The following NRG1 variants were observed in gnomAD, a reference collection of about 807,000 sequenced individuals.
NRG1 encodes pro-neuregulin-1, membrane-bound isoform.
Under a neutral mutation model 63.8 loss-of-function variants are expected in NRG1, and 18 were observed. That is an observed-to-expected ratio of 0.28 (90% CI 0.19 to 0.42). The LOEUF is 0.42. Ranked by LOEUF, NRG1 falls within the 10% of genes least tolerant of loss-of-function variation. NRG1 has a pLI of 1.00. For missense variants in NRG1, 762 were observed against 814.7 expected, an observed-to-expected ratio of 0.94 and a Z score of 0.79; for synonymous variants, 302 against 301.3, an observed-to-expected ratio of 1.00 and a Z score of -0.02.
At chr8:32,530,281 G>A (rs1311393483) in intron 1 of NRG1, among the ~76,000 whole-genome samples, 1 of 151,922 alleles carries the variant, frequency 6.6e-6, no homozygotes, top group Non-Finnish European at 1.5e-5. Context: ...CTAATTTTTT[G>A]TATTATTTGT....
chr8:31,869,679 T>C (rs1005628669), intron 1 of NRG1, among the ~76,000 whole-genome samples: 5 of 152,214 alleles, frequency 3.3e-5, no homozygotes, highest in African/African-American at 1.2e-4. Flanking sequence ...ATAGGAAATA[T>C]CTACCTAAGA....
At chr8:31,874,943 G>A (rs1334523998) in intron 1 of NRG1, among the ~76,000 whole-genome samples, 2 of 152,164 alleles carry the variant, frequency 1.3e-5, no homozygotes, top group African/African-American at 4.8e-5. Context: ...TGCCCTTCTA[G>A]ATCAGTATCA....
At position 32,366,677 on chromosome 8, in the gene NRG1, G is replaced by GTGTATATATA. The variant is rs1164696498; in HGVS notation, c.38-229150_38-229149insGTATATATAT. 3.4e-3 allele frequency among the ~76,000 whole-genome samples: 297 copies of GTGTATATATA among 87,212 alleles called. 1 individual carries two copies. The highest frequency in any genetic ancestry group is 4.9e-3 in the Non-Finnish European group (218 of 44,566). 57.2% of individuals were successfully genotyped at this position (87,212 alleles called of 152,430 possible). On this transcript the variant is annotated intron_variant, in intron 1 of 10. Coordinates refer to the NRG1 transcript ENST00000519301. ...ATTGTGTGTGTGTGTGTGTGTGTGTGTATATATATATATATATATATATAT... is the reference window on the plus strand; with the variant it reads ...ATTGTGTGTGTGTGTGTGTGTGTGTGTGTATATATATATATATATATATATATATATATAT...
intron 1 of NRG1, among the ~76,000 whole-genome samples, chr8:32,433,018 C>A (rs914043094): frequency 1.3e-5 from 2 of 152,138 alleles, no homozygotes; most frequent in Non-Finnish European, 2.9e-5. Context: ...GCCTGTTTAT[C>A]TGAGTGAGTG....
intron 1 of NRG1, among the ~76,000 whole-genome samples, chr8:32,485,017 A>T (rs1825740737): frequency 6.6e-6 from 1 of 152,184 alleles, no homozygotes; most frequent in Admixed American, 6.5e-5. Flanking sequence ...CAGAAATACT[A>T]AACTTCTTGA....
chr8:31,854,500 C>T (rs1244372404), intron 1 of NRG1, among the ~76,000 whole-genome samples: 1 of 151,608 alleles, frequency 6.6e-6, no homozygotes, highest in South Asian at 2.1e-4. Flanking sequence ...ATTCTTCTCT[C>T]TTTTTTTCTT....
intron 1 of NRG1, among the ~76,000 whole-genome samples, chr8:32,403,175 T>A (rs984776378): frequency 2.6e-5 from 4 of 151,540 alleles, no homozygotes; most frequent in Non-Finnish European, 5.9e-5. Context: ...GGCAGGTGCC[T>A]GTAATCGCAG....
chr8:31,940,763 A>G (rs1011376262), intron 1 of NRG1, among the ~76,000 whole-genome samples: 18 of 152,278 alleles, frequency 1.2e-4, no homozygotes, highest in African/African-American at 4.3e-4. Context: ...CAAGGCTACT[A>G]TGAACACCTT....
chr8:32,628,226 A>G (rs1849640303), intron 5 of NRG1, among the ~76,000 whole-genome samples: 1 of 152,246 alleles, frequency 6.6e-6, no homozygotes, highest in Admixed American at 6.5e-5. Context: ...GAAATGTGAT[A>G]CGAAGAGGCA....
At chr8:32,405,609 T>G (rs182793970) in intron 1 of NRG1, among the ~76,000 whole-genome samples, 5 of 152,318 alleles carry the variant, frequency 3.3e-5, no homozygotes, top group Admixed American at 2.6e-4. Flanking sequence ...TGTACAGTCA[T>G]GTAGAGACAA....
At chr8:32,338,208 A>C (rs1803578372) in intron 1 of NRG1, among the ~76,000 whole-genome samples, 1 of 152,192 alleles carries the variant, frequency 6.6e-6, no homozygotes, top group South Asian at 2.1e-4. Context: ...GCATAGGAGA[A>C]AGGTACCATG....
chr8:32,453,224 T>A (rs1302948642), intron 1 of NRG1, among the ~76,000 whole-genome samples: 2 of 152,200 alleles, frequency 1.3e-5, no homozygotes, highest in East Asian at 1.9e-4. Flanking sequence ...AGGAAAAAAA[T>A]TTTTGGTCAA....
chr8:32,597,538 T>C (rs1843570841), intron 2 of NRG1, among the ~76,000 whole-genome samples: 1 of 152,130 alleles, frequency 6.6e-6, no homozygotes, highest in African/African-American at 2.4e-5. Context: ...TAAAGAGACA[T>C]GGCATTTTTA....
intron 1 of NRG1, among the ~76,000 whole-genome samples, chr8:32,200,009 C>T (rs536959414): frequency 1.3e-5 from 2 of 152,260 alleles, no homozygotes; most frequent in South Asian, 4.2e-4. Context: ...AAACTCCTGA[C>T]CTCAGATGAT....
intron 5 of NRG1, among the ~76,000 whole-genome samples, chr8:32,668,603 T>C (rs187741041): frequency 6.6e-6 from 1 of 152,314 alleles, no homozygotes; most frequent in East Asian, 1.9e-4. Context: ...ATATAGTAAA[T>C]TTCCTGGTCA....
intron 3 of NRG1, among the ~76,000 whole-genome samples, chr8:32,608,101 T>TG (rs796560560): frequency 0.027 from 3,301 of 124,264 alleles, 44 homozygotes; most frequent in Non-Finnish European, 0.038. Context: ...TGTTTTTTTT[T>TG]TTTTTGTTTT....
chr8:31,796,412 A>ATTTTT (rs1273292685), intron 1 of NRG1, among the ~76,000 whole-genome samples: 16 of 92,644 alleles, frequency 1.7e-4, no homozygotes, highest in Non-Finnish European at 3.1e-4. Context: ...ATGGCGTATA[A>ATTTTT]TCTTTTTTTT....
At chr8:32,201,981 G>A (rs1328602501) in intron 1 of NRG1, among the ~76,000 whole-genome samples, 1 of 152,118 alleles carries the variant, frequency 6.6e-6, no homozygotes, top group Admixed American at 6.6e-5. Flanking sequence ...TTTCTTGTAT[G>A]TAAACTCTCA....
chr8:32,390,175 T>C (rs1010464099), intron 1 of NRG1, among the ~76,000 whole-genome samples: 4 of 152,090 alleles, frequency 2.6e-5, no homozygotes, highest in African/African-American at 9.7e-5. Context: ...TCTCCTGGGG[T>C]CTCTGGTGTC....
Sources: gnomAD v4.1 joint callset for allele counts (sites outside exome capture counted in the v4.1 genomes callset) on GRCh38, gnomAD v4.1.1 for gene constraint, MANE v1.5 for transcripts, NCBI Gene and HGNC (gene_info 2026-07-23, HGNC 2026-07-21) for gene names.